The following TSPAN15 variants were observed in gnomAD, a reference collection of about 807,000 sequenced individuals.
The protein encoded by TSPAN15 is tetraspanin-15.
A neutral mutation model predicts 34.5 loss-of-function variants in TSPAN15; 20 were observed. The ratio of observed to expected loss-of-function variants is 0.58; its 90% CI spans 0.41 to 0.84. TSPAN15 has a LOEUF of 0.84. Among genes scored for constraint, TSPAN15 ranks in the 40% least tolerant of loss-of-function variants. The probability of loss-of-function intolerance (pLI) is 0.00; values close to 1 mark genes in which losing one functional copy is unlikely to be tolerated. For missense variants in TSPAN15, 313 were observed against 386.1 expected (o/e 0.81, Z 1.59); for synonymous variants, 155 against 153.9 (o/e 1.01, Z -0.05).
the TSPAN15 span, among the ~76,000 whole-genome samples, chr10:69,547,168 C>T: frequency 6.6e-6 from 1 of 151,928 alleles, no homozygotes; most frequent in African/African-American, 2.4e-5. Flanking sequence ...CGCCACTGCA[C>T]TCCAGCCTGG....
intron 1 of TSPAN15, among the ~76,000 whole-genome samples, chr10:69,482,237 G>A (rs938212497): frequency 3.9e-5 from 6 of 152,234 alleles, no homozygotes; most frequent in African/African-American, 1.4e-4. Flanking sequence ...ACTGAGCAAA[G>A]AAGAGAAGGA....
intron 3 of TSPAN15, among the ~76,000 whole-genome samples, chr10:69,487,610 A>C (rs1478391669): frequency 1.3e-5 from 2 of 152,222 alleles, no homozygotes; most frequent in African/African-American, 4.8e-5. Flanking sequence ...GGCCTTCATA[A>C]ACTATCCTCC....
the TSPAN15 span, among the ~76,000 whole-genome samples, chr10:69,531,997 AC>A: frequency 1.3e-5 from 2 of 152,076 alleles, no homozygotes; most frequent in African/African-American, 4.8e-5. Flanking sequence ...AAAGACCTCT[AC>A]AAGGAAAGCT....
rs564183686 is a variant in TSPAN15, at chr10:69,452,768, G to A, written c.96+1078G>A. Among the ~76,000 whole-genome samples, 21 of 152,324 alleles carry A rather than the reference G, an allele frequency of 1.4e-4. No individual in the cohort carries two copies. The South Asian group carries it at 4.1e-3, about 30-fold the overall frequency. On this transcript the variant is annotated intron_variant, in intron 1 of 7. Coordinates refer to ENST00000373290, the MANE Select transcript of TSPAN15 (RefSeq NM_012339.5). Reference sequence around the variant, plus strand: ...CCCTGTCACTCCAGAATCGCTCTCTGCCTGCAGTATGCCACAAGAGCAGAC... The same window carrying A: ...CCCTGTCACTCCAGAATCGCTCTCTACCTGCAGTATGCCACAAGAGCAGAC...
the TSPAN15 span, among the ~76,000 whole-genome samples, chr10:69,547,679 G>T: frequency 6.6e-6 from 1 of 152,154 alleles, no homozygotes; most frequent in East Asian, 1.9e-4. Context: ...ATTCAAACAA[G>T]TAGGAAAGGG....
intron 1 of TSPAN15, among the ~76,000 whole-genome samples, chr10:69,470,946 G>A (rs1379256758): frequency 2.0e-5 from 3 of 152,066 alleles, no homozygotes; most frequent in African/African-American, 7.3e-5. Context: ...GTGCCTGCTT[G>A]GATGCTTATT....
intron 1 of TSPAN15, among the ~76,000 whole-genome samples, chr10:69,454,161 C>T (rs1305954372): frequency 6.6e-6 from 1 of 152,312 alleles, no homozygotes; most frequent in Admixed American, 6.5e-5. Flanking sequence ...GTTTTTAGGT[C>T]TGGAGGGCCA....
intron 2 of TSPAN15, 132 bp from the exon 3 acceptor site, chr10:69,485,009 C>T: frequency 1.2e-6 from 1 of 835,500 alleles, no homozygotes; most frequent in Non-Finnish European, 2.0e-6. Context: ...GGGGCAGAGG[C>T]CTAGGAGCTG....
the TSPAN15 span, among the ~76,000 whole-genome samples, chr10:69,517,902 C>T: frequency 6.6e-6 from 1 of 152,184 alleles, no homozygotes; most frequent in Admixed American, 6.5e-5. Context: ...GGGGTAGCTA[C>T]AGGGAAAGGA....
chr10:69,457,930 C>G (rs1841149915), intron 1 of TSPAN15, among the ~76,000 whole-genome samples: 1 of 152,180 alleles, frequency 6.6e-6, no homozygotes, highest in Non-Finnish European at 1.5e-5. Flanking sequence ...TGCTCAAGAG[C>G]CATAGACTAA....
intron 3 of TSPAN15, among the ~76,000 whole-genome samples, chr10:69,485,489 G>C (rs1841832633): frequency 1.3e-5 from 2 of 152,152 alleles, no homozygotes; most frequent in Non-Finnish European, 2.9e-5. Context: ...AAGCTGAGCA[G>C]AAATGAGCTT....
the TSPAN15 span, among the ~76,000 whole-genome samples, chr10:69,549,259 G>A: frequency 6.6e-6 from 1 of 152,176 alleles, no homozygotes; most frequent in Non-Finnish European, 1.5e-5. Context: ...TTTATCTACT[G>A]TTATCATACA....
At chr10:69,521,638 A>G in the TSPAN15 span, among the ~76,000 whole-genome samples, 1 of 148,018 alleles carries the variant, frequency 6.8e-6, no homozygotes, top group African/African-American at 2.5e-5. Flanking sequence ...AAAAAAGCAG[A>G]GGAAGGGCAA....
At chr10:69,455,573 CTTTTCTTTCT>C (rs1841075291) in intron 1 of TSPAN15, among the ~76,000 whole-genome samples, 9 of 124,230 alleles carry the variant, frequency 7.2e-5, no homozygotes, top group Admixed American at 5.4e-4. Flanking sequence ...CTTTCTTTCT[CTTTTCTTTCT>C]TTCTTTCTCT....
chr10:69,503,199 G>C (rs1842245573), intron 5 of TSPAN15, among the ~76,000 whole-genome samples: 2 of 152,136 alleles, frequency 1.3e-5, no homozygotes, highest in Admixed American at 1.3e-4. Flanking sequence ...TGGAGAACCA[G>C]CTAAACCGAG....
the TSPAN15 span, among the ~76,000 whole-genome samples, chr10:69,519,578 C>A: frequency 6.6e-6 from 1 of 152,216 alleles, no homozygotes; most frequent in East Asian, 1.9e-4. Flanking sequence ...TATTTATTTT[C>A]TTTAAAAATC....
chr10:69,489,061 C>G (rs1356490094), intron 3 of TSPAN15, among the ~76,000 whole-genome samples: 1 of 152,174 alleles, frequency 6.6e-6, no homozygotes. Flanking sequence ...GTCCTTATCT[C>G]AACTGCATAA....
the TSPAN15 span, among the ~76,000 whole-genome samples, chr10:69,517,000 G>A: frequency 2.0e-5 from 3 of 152,182 alleles, no homozygotes; most frequent in Non-Finnish European, 4.4e-5. Context: ...AGAGGGCCAG[G>A]CTCAGCATGT....
the TSPAN15 span, among the ~76,000 whole-genome samples, chr10:69,546,913 G>A: frequency 6.6e-6 from 1 of 152,118 alleles, no homozygotes; most frequent in African/African-American, 2.4e-5. Context: ...GGAGGCTGAG[G>A]CAGGAGGATC....
Sources: allele counts gnomAD v4.1 joint callset (sites outside exome capture counted in the v4.1 genomes callset), GRCh38; gene constraint gnomAD v4.1.1; transcripts MANE v1.5; gene names NCBI Gene and HGNC (gene_info 2026-07-23, HGNC 2026-07-21).